FAF1: variants seen among roughly 807,000 people sequenced by gnomAD.
FAF1 encodes the protein Fas associated factor 1.
In FAF1, 25 loss-of-function variants were observed where a neutral mutation model predicts 92.5. That is an observed-to-expected ratio of 0.27 (90% CI 0.20 to 0.38). The LOEUF (loss-of-function observed/expected upper bound fraction) is 0.38, where lower values mean the gene tolerates loss of function less well. Among genes scored for constraint, FAF1 ranks in the 10% least tolerant of loss-of-function variants. FAF1 has a pLI of 1.00. For missense variants in FAF1, 636 were observed against 793.3 expected (o/e 0.80, Z 2.38); for synonymous variants, 234 against 273.2 (o/e 0.86, Z 1.42).
chr1:50,825,985 A>G (rs1199218292), intron 2 of FAF1, among the ~76,000 whole-genome samples: 2 of 152,202 alleles, frequency 1.3e-5, no homozygotes, highest in Non-Finnish European at 2.9e-5. Flanking sequence ...ATGAAAATAC[A>G]TGATGGCAAA....
At chr1:50,660,388 TA>T (rs1055156267) in intron 7 of FAF1, among the ~76,000 whole-genome samples, 11 of 152,172 alleles carry the variant, frequency 7.2e-5, no homozygotes, top group Admixed American at 6.6e-5. Flanking sequence ...GAAAAACTTT[TA>T]GGGAATTTTA....
At chr1:50,546,263 G>A (rs1456924003) in intron 13 of FAF1, among the ~76,000 whole-genome samples, 1 of 152,102 alleles carries the variant, frequency 6.6e-6, no homozygotes, top group Non-Finnish European at 1.5e-5. Context: ...TAACTGATAT[G>A]GAATATCTTT....
intron 13 of FAF1, among the ~76,000 whole-genome samples, chr1:50,541,374 C>T (rs1004234554): frequency 2.6e-5 from 4 of 152,160 alleles, no homozygotes; most frequent in Non-Finnish European, 5.9e-5. Context: ...CAAATTCTCA[C>T]ATTCCACAAC....
chr1:50,650,144 C>CGTG (rs1205602921), intron 8 of FAF1, among the ~76,000 whole-genome samples: 1 of 146,938 alleles, frequency 6.8e-6, no homozygotes, highest in Non-Finnish European at 1.5e-5. Context: ...ATTAGCCGGG[C>CGTG]GTGGTGGTGC....
At chr1:50,711,611 C>A (rs1033146049) in intron 6 of FAF1, among the ~76,000 whole-genome samples, 2 of 151,792 alleles carry the variant, frequency 1.3e-5, no homozygotes, top group Non-Finnish European at 1.5e-5. Flanking sequence ...CTGCTACAGG[C>A]GCATACCACC....
intron 8 of FAF1, among the ~76,000 whole-genome samples, chr1:50,614,010 C>T (rs1029561662): frequency 1.3e-5 from 2 of 151,706 alleles, no homozygotes; most frequent in South Asian, 4.2e-4. Context: ...GGCAGGAGAA[C>T]TGCTTGAACC....
intron 1 of FAF1, among the ~76,000 whole-genome samples, chr1:50,940,715 G>T (rs945860250): frequency 1.3e-5 from 2 of 152,184 alleles, no homozygotes; most frequent in African/African-American, 2.4e-5. Flanking sequence ...TTTCAAGAAA[G>T]AATTTTAAAA....
At chr1:50,723,346 G>A (rs1319266441) in intron 6 of FAF1, among the ~76,000 whole-genome samples, 1 of 151,692 alleles carries the variant, frequency 6.6e-6, no homozygotes, top group Non-Finnish European at 1.5e-5. Flanking sequence ...GTTGCAGTGA[G>A]CGGAGACTGT....
intron 4 of FAF1, among the ~76,000 whole-genome samples, chr1:50,766,519 C>G (rs1026668830): frequency 6.6e-6 from 1 of 151,950 alleles, no homozygotes; most frequent in South Asian, 2.1e-4. Context: ...CTGCTGCCAC[C>G]AAGAGACTGG....
At chr1:50,626,970 G>A (rs1040050010) in intron 8 of FAF1, among the ~76,000 whole-genome samples, 4 of 152,140 alleles carry the variant, frequency 2.6e-5, no homozygotes, top group Admixed American at 6.5e-5. Context: ...CTTGCTTGTG[G>A]AACTGGATGG....
At chr1:50,891,642 G>T (rs1644721047) in intron 1 of FAF1, among the ~76,000 whole-genome samples, 1 of 152,210 alleles carries the variant, frequency 6.6e-6, no homozygotes, top group South Asian at 2.1e-4. Flanking sequence ...CTGTATGCCT[G>T]GGTTTCAGCA....
At chr1:50,728,491 T>C (rs542639143) in intron 6 of FAF1, among the ~76,000 whole-genome samples, 2 of 152,092 alleles carry the variant, frequency 1.3e-5, no homozygotes, top group East Asian at 3.9e-4. Flanking sequence ...AGAAGTGTAA[T>C]AGAAAGCTAG....
intron 2 of FAF1, among the ~76,000 whole-genome samples, chr1:50,803,174 T>A (rs1325290820): frequency 1.3e-5 from 2 of 152,188 alleles, no homozygotes; most frequent in African/African-American, 2.4e-5. Context: ...CCTCTTTTGG[T>A]CAACAGCATT....
intron 15 of FAF1, among the ~76,000 whole-genome samples, chr1:50,526,029 A>G (rs996890771): frequency 1.3e-5 from 2 of 152,254 alleles, no homozygotes; most frequent in African/African-American, 4.8e-5. Flanking sequence ...AATAAAAATG[A>G]AACATAACAT....
chr1:50,926,509 C>T (rs1267043218), intron 1 of FAF1, among the ~76,000 whole-genome samples: 3 of 151,906 alleles, frequency 2.0e-5, no homozygotes, highest in Non-Finnish European at 4.4e-5. Context: ...TGGTGTTCTA[C>T]AGCGCTGTGG....
At chr1:50,751,878 G>C (rs571309887) in intron 4 of FAF1, among the ~76,000 whole-genome samples, 1 of 152,038 alleles carries the variant, frequency 6.6e-6, no homozygotes, top group Non-Finnish European at 1.5e-5. Context: ...TCTTTTTTGC[G>C]AAGGACTGGT....
chr1:50,629,004 C>T (rs535468138), intron 8 of FAF1, among the ~76,000 whole-genome samples: 1 of 152,120 alleles, frequency 6.6e-6, no homozygotes, highest in South Asian at 2.1e-4. Context: ...TAGCCTTCAG[C>T]TCATAGGGTT....
At chr1:50,813,618 G>A (rs1161547823) in intron 2 of FAF1, among the ~76,000 whole-genome samples, 1 of 151,938 alleles carries the variant, frequency 6.6e-6, no homozygotes, top group Non-Finnish European at 1.5e-5. Flanking sequence ...GCACCACCAT[G>A]CCCAACTAAT....
At chr1:50,560,119 A>C (rs369634001) in intron 13 of FAF1, among the ~76,000 whole-genome samples, 1 of 152,290 alleles carries the variant, frequency 6.6e-6, no homozygotes, top group South Asian at 2.1e-4. Flanking sequence ...ATCAAATGGA[A>C]GTGTAGGGTT....
Sources: allele counts gnomAD v4.1 joint callset (sites outside exome capture counted in the v4.1 genomes callset), GRCh38; gene constraint gnomAD v4.1.1; transcripts MANE v1.5; gene names NCBI Gene and HGNC (gene_info 2026-07-23, HGNC 2026-07-21).